Variants in LRRTM4 observed in about 807,000 individuals in gnomAD.
LRRTM4 encodes the protein leucine rich repeat transmembrane neuronal 4, also known as leucine-rich repeat transmembrane neuronal protein 4.
LRRTM4 carries 25 observed loss-of-function variants against 47.6 expected under a neutral mutation model. The ratio of observed to expected loss-of-function variants is 0.53; its 90% confidence interval spans 0.38 to 0.73. The LOEUF is 0.73. LRRTM4 is among the 30% of genes least tolerant of loss of function. LRRTM4 has a pLI of 0.00. For missense variants in LRRTM4, 638 were observed against 713.4 expected (o/e 0.89, Z 1.20); for synonymous variants, 311 against 269.5 (o/e 1.15, Z -1.51).
At position 77,299,333 on chromosome 2, in the gene LRRTM4, A is replaced by G. The variant is rs142541701; in HGVS notation, c.1551+218985T>C. ...TATATACATATATATGTGTGTATAT[A>G]TGTATATACGTATATATATGTATAT... On this transcript the variant is annotated intron_variant, in intron 3 of 3. Transcript: ENST00000409884. Among the ~76,000 whole-genome samples the G allele has an allele frequency of 3.2e-3, 481 of 151,028 alleles. 1 individual carries two copies. The highest frequency in any genetic ancestry group is 0.011 in the African/African-American group (463 of 41,226).
chr2:77,174,743 C>T (rs2103842358), intron 3 of LRRTM4, among the ~76,000 whole-genome samples: 1 of 151,986 alleles, frequency 6.6e-6, no homozygotes, highest in South Asian at 2.1e-4. Flanking sequence ...TGTGCTGCAC[C>T]CATTAACTTG....
At chr2:76,846,127 G>T (rs2103953157) in intron 3 of LRRTM4, among the ~76,000 whole-genome samples, 1 of 152,208 alleles carries the variant, frequency 6.6e-6, no homozygotes, top group Admixed American at 6.5e-5. Flanking sequence ...GGGGGATACT[G>T]GAACTAATGG....
chr2:77,419,734 G>T (rs1379977562), intron 3 of LRRTM4, among the ~76,000 whole-genome samples: 1 of 151,916 alleles, frequency 6.6e-6, no homozygotes, highest in Non-Finnish European at 1.5e-5. Context: ...ACCTAGTATG[G>T]ACATTTCATA....
rs1472729371 is a variant in LRRTM4 at position 77,361,031 on chromosome 2, T to TA, written c.1551+157286dup. On this transcript the variant is annotated intron_variant, in intron 3 of 3. Coordinates refer to ENST00000409884, the MANE Select transcript of LRRTM4 (RefSeq NM_001134745.3). The stretch of plus-strand genomic sequence containing the variant: ...GTCTTGGACAGCTGACTGAATACAT[T>TA]AAAAAAACTCACCATCTTATTACAG... 4.6e-5 allele frequency among the ~76,000 whole-genome samples: 7 copies of TA among 152,190 alleles called. No homozygotes were observed. In the South Asian group the frequency reaches 1.5e-3, roughly 32 times the overall value.
At chr2:76,939,776 T>C (rs1391367811) in intron 3 of LRRTM4, among the ~76,000 whole-genome samples, 1 of 152,134 alleles carries the variant, frequency 6.6e-6, no homozygotes, top group East Asian at 1.9e-4. Context: ...TATTAATATT[T>C]ATGGGCATCT....
At chr2:77,392,733 G>A (rs2103817821) in intron 3 of LRRTM4, among the ~76,000 whole-genome samples, 1 of 152,102 alleles carries the variant, frequency 6.6e-6, no homozygotes, top group Admixed American at 6.6e-5. Flanking sequence ...CAGATATTGA[G>A]AAGATACTCC....
intron 3 of LRRTM4, among the ~76,000 whole-genome samples, chr2:76,798,475 C>T (rs1453549951): frequency 1.3e-5 from 2 of 149,934 alleles, no homozygotes; most frequent in Non-Finnish European, 3.0e-5. Context: ...ATTTATAGCA[C>T]TAAATGCCCA....
intron 3 of LRRTM4, among the ~76,000 whole-genome samples, chr2:77,244,946 C>T (rs1008280773): frequency 6.6e-6 from 1 of 152,034 alleles, no homozygotes; most frequent in African/African-American, 2.4e-5. Flanking sequence ...ATACGATGCC[C>T]TAGTCAACAC....
Position 77,208,933 on chromosome 2 carries a change from T to G in LRRTM4, c.1551+309385A>C, listed in dbSNP as rs984700441. 2.0e-5 allele frequency among the ~76,000 whole-genome samples: 3 copies of G among 152,150 alleles called. No individual in the cohort carries two copies. In the East Asian group the frequency reaches 5.8e-4, roughly 29 times the overall value. The stretch of plus-strand genomic sequence containing the variant: ...GAATTGTAAAAGATACCAGCAGGTT[T>G]TAGACATATAAGTAATTCTGTGATT... On this transcript the variant is annotated intron_variant, in intron 3 of 3. Transcript: ENST00000409884.
chr2:77,414,174 G>A (rs1034137914), intron 3 of LRRTM4, among the ~76,000 whole-genome samples: 4 of 151,680 alleles, frequency 2.6e-5, no homozygotes, highest in Non-Finnish European at 4.4e-5. Flanking sequence ...TTTTCTTCCT[G>A]TATATCTCTC....
intron 3 of LRRTM4, among the ~76,000 whole-genome samples, chr2:77,365,303 T>C (rs1464153897): frequency 6.6e-6 from 1 of 152,062 alleles, no homozygotes; most frequent in African/African-American, 2.4e-5. Flanking sequence ...AGTTTAGCTC[T>C]ATTTCCAGAA....
intron 3 of LRRTM4, among the ~76,000 whole-genome samples, chr2:77,401,470 A>G (rs1355672845): frequency 1.3e-5 from 2 of 151,800 alleles, no homozygotes; most frequent in Non-Finnish European, 2.9e-5. Flanking sequence ...GGTAAATATA[A>G]TTTTCCTTAT....
chr2:76,791,030 GATAAAGAGGTAAT>G (rs1465904878), intron 3 of LRRTM4, among the ~76,000 whole-genome samples: 1 of 152,168 alleles, frequency 6.6e-6, no homozygotes, highest in Non-Finnish European at 1.5e-5. Flanking sequence ...TGGTTACAAT[GATAAAGAGGTAAT>G]TTACTGGGGC....
At chr2:77,338,101 T>G (rs945311006) in intron 3 of LRRTM4, among the ~76,000 whole-genome samples, 2 of 152,002 alleles carry the variant, frequency 1.3e-5, no homozygotes, top group African/African-American at 4.8e-5. Context: ...TTAAGATAGA[T>G]AAAATACTTG....
At chr2:77,373,921 A>G (rs1337719209) in intron 3 of LRRTM4, among the ~76,000 whole-genome samples, 3 of 151,810 alleles carry the variant, frequency 2.0e-5, no homozygotes, top group Non-Finnish European at 4.4e-5. Flanking sequence ...ACAGTGCCAG[A>G]AAATCATATA....
chr2:76,751,466 T>C (rs550288751), intron 3 of LRRTM4, among the ~76,000 whole-genome samples: 74 of 152,230 alleles, frequency 4.9e-4, no homozygotes, highest in African/African-American at 1.8e-3. Flanking sequence ...AGAGTTGTGA[T>C]TGATAGTGAT....
intron 3 of LRRTM4, among the ~76,000 whole-genome samples, chr2:77,414,374 ATACT>A (rs1246348810): frequency 3.3e-5 from 5 of 152,154 alleles, no homozygotes; most frequent in African/African-American, 1.2e-4. Flanking sequence ...AAAGAGCGAA[ATACT>A]TAGTACTATG....
Position 77,307,649 on chromosome 2 carries a change from T to A in LRRTM4, c.1551+210669A>T, listed in dbSNP as rs1192601677. Among the ~76,000 whole-genome samples the A allele has an allele frequency of 2.7e-4, 14 of 52,218 alleles. No individual in the cohort carries two copies. In the African/African-American group the frequency reaches 3.1e-3, roughly 12 times the overall value. The allele number at this position is 52,218 out of a possible 152,430, so 34.3% of individuals were successfully genotyped here. A position where few individuals can be genotyped will look rare whatever the true frequency, so the allele number is the denominator to read the frequency against. On this transcript the variant is annotated intron_variant, in intron 3 of 3. Coordinates refer to ENST00000409884, the MANE Select transcript of LRRTM4 (RefSeq NM_001134745.3). ...AGAAATATAAATATATAGATATATC[T>A]ATATATTATAGAAATATAAATATAT...
At chr2:77,436,281 A>G (rs1187369282) in intron 3 of LRRTM4, among the ~76,000 whole-genome samples, 4 of 152,160 alleles carry the variant, frequency 2.6e-5, no homozygotes, top group Non-Finnish European at 5.9e-5. Flanking sequence ...TTACAATACT[A>G]AACATGACAT....
Sources: gnomAD v4.1 joint callset for allele counts (sites outside exome capture counted in the v4.1 genomes callset) on GRCh38, gnomAD v4.1.1 for gene constraint, MANE v1.5 for transcripts, NCBI Gene and HGNC (gene_info 2026-07-23, HGNC 2026-07-21) for gene names.